The following ALG1 variants were observed in gnomAD, a reference collection of about 807,000 sequenced individuals.
The protein encoded by ALG1 is ALG1 chitobiosyldiphosphodolichol beta-mannosyltransferase, also known as chitobiosyldiphosphodolichol beta-mannosyltransferase.
A neutral mutation model predicts 55.1 loss-of-function variants in ALG1; 58 were observed. That is an observed-to-expected ratio of 1.05 (90% CI 0.85 to 1.31). ALG1 has a LOEUF of 1.31. Ranked by LOEUF, ALG1 falls within the 50% of genes most tolerant of loss-of-function variation. The pLI is 0.00. For missense variants in ALG1, 761 were observed against 598.6 expected, an observed-to-expected ratio of 1.27 and a Z score of -2.83; for synonymous variants, 309 against 247.0, an observed-to-expected ratio of 1.25 and a Z score of -2.35.
intron 12 of ALG1, 100 bp downstream of exon 12, chr16:5,083,857 T>C (rs966840497): frequency 1.9e-4 from 297 of 1,562,008 alleles, no homozygotes; most frequent in Non-Finnish European, 2.5e-4. Flanking sequence ...GGTGGGACCA[T>C]GTGGGGTCTG....
rs754985167 is a variant in ALG1 at position 5,071,863 on chromosome 16, G to C, written c.14G>C (p.Cys5Ser). 3 of 1,604,646 alleles carry C rather than the reference G, an allele frequency of 1.9e-6. No homozygotes were observed. The highest frequency in any genetic ancestry group is 1.8e-4 in the Middle Eastern group (1 of 5,680). ...GGGCCAGCCAAGATGGCGGCCTCATGCTTGGTCCTGCTGGCGCTGTGTCTG... is the reference window on the plus strand; with the variant it reads ...GGGCCAGCCAAGATGGCGGCCTCATCCTTGGTCCTGCTGGCGCTGTGTCTG... MAAS[C>S]LVLLALCLLL... The change falls in exon 1 of 13, where the codon TGC becomes TCC. Residue 5 changes from cysteine (C) to serine (S), a missense_variant. Coordinates refer to ENST00000262374, the MANE Select transcript of ALG1 (RefSeq NM_019109.5).
rs1956820824 is a variant in ALG1, at chr16:5,071,859, T to G, written c.10T>G (p.Ser4Ala). 1.9e-6 allele frequency: 3 copies of G among 1,604,646 alleles called. No homozygotes were observed. The highest frequency in any genetic ancestry group is 2.5e-6 in the Non-Finnish European group (3 of 1,178,730). ...CTGCGGGCCAGCCAAGATGGCGGCC[T>G]CATGCTTGGTCCTGCTGGCGCTGTG... Reference protein sequence around the residue: MAASCLVLLALCLL... With the variant: MAAACLVLLALCLL... The change falls in exon 1 of 13, where the codon TCA (serine) becomes GCA (alanine). Residue 4 changes from serine (S) to alanine (A), a missense_variant. By Grantham distance (99) the Ser-to-Ala change is moderately conservative. Coordinates refer to ENST00000262374, the MANE Select transcript of ALG1 (RefSeq NM_019109.5).
At chr16:5,076,731 C>T (rs1160084442) in intron 4 of ALG1, among the ~76,000 whole-genome samples, 2 of 151,978 alleles carry the variant, frequency 1.3e-5, no homozygotes, top group Non-Finnish European at 2.9e-5. Context: ...GACCTTACAG[C>T]CTTTGCAGTG....
rs946333312 is a variant in ALG1, at chr16:5,075,468, C to A, written c.471C>A (p.His157Gln). Reference protein sequence around the residue: ...LCGSKLVIDWHNYGYSIMGLV... With the variant: ...LCGSKLVIDWQNYGYSIMGLV... ...GAAGCAAGCTCGTCATTGACTGGCACAACTATGGCTACTCCATCATGGGTC... is the reference window on the plus strand; with the variant it reads ...GAAGCAAGCTCGTCATTGACTGGCAAAACTATGGCTACTCCATCATGGGTC... Residue 157 changes from histidine (H) to glutamine (Q), a missense_variant, in exon 4 of 13, where the codon CAC becomes CAA. Physicochemically the swap from His to Gln is conservative, Grantham distance 24. Coordinates refer to ENST00000262374, the MANE Select transcript of ALG1 (RefSeq NM_019109.5). 2 of 1,614,078 alleles carry A rather than the reference C, an allele frequency of 1.2e-6. No homozygotes were observed. Among genetic ancestry groups the A allele is most frequent in the African/African-American group, 2.7e-5 (2 of 74,920 alleles).
rs377600706 is a variant in ALG1, at chr16:5,077,465, G to A, written c.560G>A (p.Arg187His). Residue 187 changes from arginine to histidine, a missense_variant, in exon 5 of 13, where the codon CGC (arginine) becomes CAC (histidine). Coordinates refer to ENST00000262374, the MANE Select transcript of ALG1 (RefSeq NM_019109.5). ...LAKWYEKFFG[R>H]LSHLNLCVTN... The stretch of plus-strand genomic sequence containing the variant: ...TTCAGGTACGAGAAGTTCTTTGGGC[G>A]CCTGTCCCACCTGAACCTGTGTGTT... 5.9e-5 allele frequency: 95 copies of A among 1,614,100 alleles called. No homozygotes were observed. Among genetic ancestry groups the A allele is most frequent in the South Asian group, 4.1e-4 (37 of 91,080 alleles).
At chr16:5,080,073 CTTTTT>C (rs34927441) in intron 9 of ALG1, among the ~76,000 whole-genome samples, 1 of 134,606 alleles carries the variant, frequency 7.4e-6, no homozygotes, top group East Asian at 2.2e-4. Flanking sequence ...TCATTGGTGT[CTTTTT>C]TTTTTTTTTT....
rs370923572 is a variant in ALG1, at chr16:5,077,400, G to A, written c.540-45G>A. The A allele has an allele frequency of 2.8e-5, 43 of 1,512,494 alleles. No homozygotes were observed. The African/African-American group carries it at 4.8e-4, about 17-fold the overall frequency. 93.7% of individuals were successfully genotyped at this position (1,512,494 alleles called of 1,614,324 possible). On this transcript the variant is annotated intron_variant, in intron 4 of 12. Coordinates refer to ENST00000262374, the MANE Select transcript of ALG1 (RefSeq NM_019109.5). ...TGTCGAGTCACGCTGTGGTGGTAGC[G>A]GAGGCCTGTCTAGGGCTCTGCTGAC... is the stretch of plus-strand genomic sequence containing the variant.
At position 5,072,300 on chromosome 16, in the gene ALG1, C is replaced by A. The variant is rs1956830477; in HGVS notation, c.208+243C>A. On this transcript the variant is annotated intron_variant, in intron 1 of 12. Transcript: ENST00000262374. ...CCATTGCGTGGTCTCACGTAATTCT[C>A]CTAGTAAGTGGAACCCAGGTGCGTG... The A allele has an allele frequency of 2.1e-6, 3 of 1,421,526 alleles. No homozygotes were observed. In the East Asian group the frequency reaches 7.7e-5, roughly 36 times the overall value. The allele number at this position is 1,421,526 out of a possible 1,614,324, so 88.1% of individuals were successfully genotyped here. A position where few individuals can be genotyped will look rare whatever the true frequency, so the allele number is the denominator to read the frequency against.
chr16:5,085,770 T>C lies in ALG1; in HGVS notation c.*889T>C, dbSNP rs780942739. 2.0e-6 allele frequency: 3 copies of C among 1,497,186 alleles called. No homozygotes were observed. The highest frequency in any genetic ancestry group is 2.3e-5 in the South Asian group (2 of 88,660). The allele number at this position is 1,497,186 out of a possible 1,614,324, so 92.7% of individuals were successfully genotyped here. A position where few individuals can be genotyped will look rare whatever the true frequency, so the allele number is the denominator to read the frequency against. ...CACATGTGTTTGAGGATGGCGGTGTTTGGGGACAGGACATGAGGGTATTGT... is the reference window on the plus strand; with the variant it reads ...CACATGTGTTTGAGGATGGCGGTGTCTGGGGACAGGACATGAGGGTATTGT... On this transcript the variant is annotated 3_prime_UTR_variant, in exon 13 of 13. Coordinates refer to ENST00000262374, the MANE Select transcript of ALG1 (RefSeq NM_019109.5).
intron 3 of ALG1, among the ~76,000 whole-genome samples, chr16:5,074,979 C>T (rs1956882664): frequency 6.6e-6 from 1 of 152,198 alleles, no homozygotes; most frequent in Admixed American, 6.5e-5. Context: ...CATAGCTTAA[C>T]TGCAGCCTCA....
At chr16:5,072,274 T>G (rs1389908905) in intron 1 of ALG1, 1 of 1,452,598 alleles carries the variant, frequency 6.9e-7, no homozygotes, top group Non-Finnish European at 9.0e-7. Context: ...GTTAAGTGAA[T>G]CCATTGCGTG....
At chr16:5,076,428 C>G (rs1312719565) in intron 4 of ALG1, among the ~76,000 whole-genome samples, 1 of 152,214 alleles carries the variant, frequency 6.6e-6, no homozygotes, top group Admixed American at 6.5e-5. Context: ...TGTTCAATCT[C>G]TATGCACCTC....
At position 5,085,316 on chromosome 16, in the gene ALG1, G is replaced by A; in HGVS notation, c.*435G>A. 1 of 489,696 alleles carries A rather than the reference G, an allele frequency of 2.0e-6. No homozygotes were observed. Among genetic ancestry groups the A allele is most frequent in the East Asian group, 4.0e-5 (1 of 25,112 alleles). The allele number at this position is 489,696 out of a possible 1,614,324, so 30.3% of individuals were successfully genotyped here. On this transcript the variant is annotated 3_prime_UTR_variant, in exon 13 of 13. Coordinates refer to ENST00000262374, the MANE Select transcript of ALG1 (RefSeq NM_019109.5). ...GGCTTGGCTTTGTGAGGAACTGAGT[G>A]TGTCCACGTTGGGGGAACATCATAC...
At chr16:5,082,707 C>T (rs757815630) in intron 11 of ALG1, 34 bp downstream of exon 11, 3 of 1,608,006 alleles carry the variant, frequency 1.9e-6, no homozygotes, top group Non-Finnish European at 2.5e-6. Flanking sequence ...CTGGGGATAG[C>T]TTTGCAGATC....
chr16:5,085,867 A>T lies in ALG1; in HGVS notation c.*986A>T. 1 of 725,130 alleles carries T rather than the reference A, an allele frequency of 1.4e-6. No individual in the cohort carries two copies. Among genetic ancestry groups the T allele is most frequent in the Non-Finnish European group, 2.5e-6 (1 of 396,052 alleles). 44.9% of individuals were successfully genotyped at this position (725,130 alleles called of 1,614,324 possible). A position where few individuals can be genotyped will look rare whatever the true frequency, so the allele number is the denominator to read the frequency against. On this transcript the variant is annotated 3_prime_UTR_variant, in exon 13 of 13. Transcript: ENST00000262374. The stretch of plus-strand genomic sequence containing the variant: ...CAGTTTACTTGGTTCACAGGTTCCC[A>T]GGCCCACCCAGGTGCCTAGAATTGG...
In ALG1 at chr16:5,072,493, C is replaced by T. The variant is rs534632300; in HGVS notation, c.208+436C>T. Reference sequence around the variant, plus strand: ...CTTTTCCCCACAGTGTGCAGGGCAGCGGTGTCTGCTCCCTCATTATTCTCC... The same window carrying T: ...CTTTTCCCCACAGTGTGCAGGGCAGTGGTGTCTGCTCCCTCATTATTCTCC... On this transcript the variant is annotated intron_variant, in intron 1 of 12. Coordinates refer to ENST00000262374, the MANE Select transcript of ALG1 (RefSeq NM_019109.5). Among the ~76,000 whole-genome samples the T allele has an allele frequency of 1.2e-3, 185 of 152,288 alleles. 1 individual carries two copies. Among genetic ancestry groups the T allele is most frequent in the African/African-American group, 4.3e-3 (177 of 41,546 alleles).
chr16:5,078,304 T>G (rs1401063549), intron 6 of ALG1: 1 of 642,432 alleles, frequency 1.6e-6, no homozygotes, highest in Non-Finnish European at 2.9e-6. Context: ...TAAGAAATGT[T>G]TGTGGACCCC....
Position 5,072,508 on chromosome 16 carries a change from CATT to C in ALG1, c.209-439_209-437del, listed in dbSNP as rs1213266220. On this transcript the variant is annotated intron_variant, in intron 1 of 12. Transcript: ENST00000262374. ...TGCAGGGCAGCGGTGTCTGCTCCCT[CATT>C]ATTCTCCACGTTGGTATCTTGAGAG... Among the ~76,000 whole-genome samples the C allele has an allele frequency of 2.0e-5, 3 of 152,212 alleles. No homozygotes were observed. The East Asian group carries it at 5.8e-4, about 29-fold the overall frequency.
intron 10 of ALG1, among the ~76,000 whole-genome samples, chr16:5,082,289 G>A (rs537808638): frequency 2.0e-5 from 3 of 152,140 alleles, no homozygotes; most frequent in Non-Finnish European, 4.4e-5. Context: ...CTCCAGCCTG[G>A]GTGACAGAAT....
Sources: gnomAD v4.1 joint callset for allele counts (sites outside exome capture counted in the v4.1 genomes callset) on GRCh38, gnomAD v4.1.1 for gene constraint, MANE v1.5 for transcripts, NCBI Gene and HGNC (gene_info 2026-07-23, HGNC 2026-07-21) for gene names.